Variants in GPHN observed in about 807,000 individuals in gnomAD.
The protein encoded by GPHN is gephyrin.
GPHN carries 17 observed loss-of-function variants against 95.5 expected under a neutral mutation model. That is an observed-to-expected ratio of 0.18 (90% CI 0.12 to 0.27). The LOEUF (loss-of-function observed/expected upper bound fraction) is 0.27, where lower values mean the gene tolerates loss of function less well. Among genes scored for constraint, GPHN ranks in the 10% least tolerant of loss-of-function variants. The pLI, the probability that GPHN is intolerant of heterozygous loss-of-function variation, is 1.00. For missense variants in GPHN, 660 were observed against 978.1 expected (o/e 0.67, Z 4.34); for synonymous variants, 320 against 322.5 (o/e 0.99, Z 0.08).
At chr14:67,086,931 G>A (rs1424410075) in intron 11 of GPHN, among the ~76,000 whole-genome samples, 1 of 150,694 alleles carries the variant, frequency 6.6e-6, no homozygotes, top group African/African-American at 2.4e-5. Context: ...CCAGCTACTC[G>A]GGAGGCTGAG....
At chr14:67,493,075 GAAA>G in the GPHN span, among the ~76,000 whole-genome samples, 1 of 152,190 alleles carries the variant, frequency 6.6e-6, no homozygotes, top group Non-Finnish European at 1.5e-5. Context: ...AGAACTTTGG[GAAA>G]AGCATTCCAG....
intron 3 of GPHN, among the ~76,000 whole-genome samples, chr14:66,777,775 C>G (rs1595874164): frequency 1.3e-5 from 2 of 152,082 alleles, no homozygotes; most frequent in South Asian, 2.1e-4. Flanking sequence ...ATTCAACAAC[C>G]CTTCATGCTA....
intron 17 of GPHN, among the ~76,000 whole-genome samples, chr14:67,142,263 C>A (rs2080512260): frequency 6.6e-6 from 1 of 152,164 alleles, no homozygotes; most frequent in South Asian, 2.1e-4. Flanking sequence ...AAGGGAAATA[C>A]CAATTACAGG....
At chr14:67,663,185 T>A in the GPHN span, 1 of 1,529,608 alleles carries the variant, frequency 6.5e-7, no homozygotes, top group South Asian at 1.2e-5. Flanking sequence ...AAATTACTAA[T>A]CTCCCCTTTG....
the GPHN span, among the ~76,000 whole-genome samples, chr14:67,399,718 G>A: frequency 6.9e-5 from 9 of 130,968 alleles, no homozygotes; most frequent in African/African-American, 3.0e-4. Flanking sequence ...GAGAAGGGTG[G>A]TTTAGGTGGG....
intron 4 of GPHN, among the ~76,000 whole-genome samples, chr14:66,878,960 A>T (rs2063797470): frequency 6.6e-6 from 1 of 152,182 alleles, no homozygotes; most frequent in Non-Finnish European, 1.5e-5. Context: ...ACCAACCCAA[A>T]TGTCCATCAG....
chr14:67,164,106 T>TA (rs1407801970), intron 19 of GPHN, among the ~76,000 whole-genome samples: 7 of 151,318 alleles, frequency 4.6e-5, no homozygotes, highest in African/African-American at 1.2e-4. Context: ...CTGTCTCCAC[T>TA]AAAAAAACAA....
chr14:66,852,281 A>G (rs896501977), intron 4 of GPHN, among the ~76,000 whole-genome samples: 18 of 152,194 alleles, frequency 1.2e-4, no homozygotes, highest in Admixed American at 3.3e-4. Flanking sequence ...TTTTCATTTC[A>G]ATTTTTAAAG....
the GPHN span, chr14:67,722,301 C>G: frequency 2.5e-6 from 1 of 406,570 alleles, no homozygotes; most frequent in Admixed American, 3.5e-5. Context: ...GAACACATTT[C>G]CTAGAGAAGA....
At chr14:67,343,029 C>T in the GPHN span, among the ~76,000 whole-genome samples, 1 of 152,158 alleles carries the variant, frequency 6.6e-6, no homozygotes, top group Non-Finnish European at 1.5e-5. Flanking sequence ...AGTTGCATCA[C>T]TCAACCATTA....
the GPHN span, among the ~76,000 whole-genome samples, chr14:67,709,649 T>C: frequency 6.6e-6 from 1 of 152,224 alleles, no homozygotes; most frequent in African/African-American, 2.4e-5. Context: ...TTAATAGCTT[T>C]AATTTCTGGC....
At chr14:66,775,348 G>C (rs545199853) in intron 2 of GPHN, among the ~76,000 whole-genome samples, 23 of 152,178 alleles carry the variant, frequency 1.5e-4, no homozygotes, top group African/African-American at 5.5e-4. Flanking sequence ...TTAGAACAAA[G>C]GCAGTTAGGT....
At position 67,110,164 on chromosome 14, in the gene GPHN, C is replaced by T; in HGVS notation, c.1318C>T (p.Gln440Ter). 6.2e-7 allele frequency: 1 copy of T among 1,612,822 alleles called. No homozygotes were observed. The highest frequency in any genetic ancestry group is 8.5e-7 in the Non-Finnish European group (1 of 1,178,858). The change falls in exon 14 of 23, where the codon CAA becomes TAA. Residue 440 changes from glutamine (Q) to a stop codon, truncating the protein, a stop_gained. Coordinates refer to ENST00000478722, the MANE Select transcript of GPHN (RefSeq NM_020806.5). LOFTEE classifies it high-confidence loss of function. ...GCCAACTCAGACAGTAATGCCAGGA[C>T]AAGTCATGCGGGTTACAACAGGTGC... ...EQPTQTVMPG[Q>*]VMRVTTGAPI...
intron 8 of GPHN, among the ~76,000 whole-genome samples, chr14:66,949,280 T>G (rs2067949986): frequency 6.6e-6 from 1 of 152,170 alleles, no homozygotes; most frequent in Non-Finnish European, 1.5e-5. Context: ...AGACAGGGTC[T>G]CACCATGTTA....
chr14:67,211,676 C>A, the GPHN span, among the ~76,000 whole-genome samples: 1 of 152,192 alleles, frequency 6.6e-6, no homozygotes, highest in East Asian at 1.9e-4. Context: ...CGCCTGTAAT[C>A]CCATCAACTG....
chr14:66,760,839 C>T, intron 2 of GPHN: 1 of 577,890 alleles, frequency 1.7e-6, no homozygotes, highest in Non-Finnish European at 3.3e-6. Flanking sequence ...AGCAGAAATG[C>T]CAAGCGAAAT....
At chr14:66,568,911 C>T (rs2060565154) in intron 1 of GPHN, among the ~76,000 whole-genome samples, 1 of 151,940 alleles carries the variant, frequency 6.6e-6, no homozygotes, top group Non-Finnish European at 1.5e-5. Context: ...AGTTCATAAG[C>T]ATGTTTATAA....
intron 2 of GPHN, among the ~76,000 whole-genome samples, chr14:66,763,613 G>T (rs1283763650): frequency 1.3e-5 from 2 of 151,474 alleles, no homozygotes; most frequent in African/African-American, 4.9e-5. Context: ...GTGTATATGT[G>T]CCACATTTTC....
chr14:67,641,323 ATAAAAAATC>A, the GPHN span, among the ~76,000 whole-genome samples: 1 of 152,238 alleles, frequency 6.6e-6, no homozygotes, highest in Non-Finnish European at 1.5e-5. Flanking sequence ...TCTGAAAAAA[ATAAAAAATC>A]TAAAACACTT....
Sources: allele counts gnomAD v4.1 joint callset (sites outside exome capture counted in the v4.1 genomes callset), GRCh38; gene constraint gnomAD v4.1.1; transcripts MANE v1.5; gene names NCBI Gene and HGNC (gene_info 2026-07-23, HGNC 2026-07-21).